STMN1: variants seen among roughly 807,000 people sequenced by gnomAD.
STMN1 encodes the protein stathmin.
STMN1 carries 3 observed loss-of-function variants against 19.7 expected under a neutral mutation model. The observed-to-expected ratio is 0.15, with a 90% CI of 0.07 to 0.39. The LOEUF is 0.39. STMN1 is among the 10% of genes least tolerant of loss of function. The probability of loss-of-function intolerance (pLI) is 1.00; values close to 1 mark genes in which losing one functional copy is unlikely to be tolerated. For missense variants in STMN1, 99 were observed against 176.0 expected, an observed-to-expected ratio of 0.56 and a Z score of 2.48; for synonymous variants, 59 against 58.9, an observed-to-expected ratio of 1.00 and a Z score of -0.01.
rs574231303 is a variant in STMN1 at position 25,894,551 on chromosome 1, G to A, written c.378+6940C>T. Among the ~76,000 whole-genome samples the A allele has an allele frequency of 1.4e-3, 218 of 152,180 alleles. 1 individual carries two copies. Among genetic ancestry groups the A allele is most frequent in the African/African-American group, 4.9e-3 (202 of 41,504 alleles). On this transcript the variant is annotated intron_variant, in intron 4 of 4. Coordinates refer to the STMN1 transcript ENST00000426559. ...GAAAATTAGCCGGCCATTGTGGCAT[G>A]CACCTATAGTCCAAGCTACTCTGGA...
downstream of STMN1, among the ~76,000 whole-genome samples, chr1:25,898,575 C>G (rs1268849758): frequency 2.0e-5 from 3 of 152,208 alleles, no homozygotes; most frequent in Non-Finnish European, 4.4e-5. Context: ...ATTTAAGGGC[C>G]TCCTTCACGT....
At position 25,900,694 on chromosome 1, in the gene STMN1, C is replaced by G. The variant is rs996090124; in HGVS notation, c.*322G>C. On this transcript the variant is annotated 3_prime_UTR_variant, in exon 5 of 5. Coordinates refer to ENST00000455785, the MANE Select transcript of STMN1 (RefSeq NM_005563.4). ...AGTTCAAAAGAAGCCACTACATACT[C>G]TTTTCACAAATATGTTTTCACAGAG... is the stretch of plus-strand genomic sequence containing the variant. The G allele has an allele frequency of 1.9e-6, 2 of 1,076,804 alleles. No homozygotes were observed. The highest frequency in any genetic ancestry group is 1.7e-5 in the African/African-American group (1 of 60,078). 66.7% of individuals were successfully genotyped at this position (1,076,804 alleles called of 1,614,324 possible).
chr1:25,904,505 C>G (rs2048914814), intron 2 of STMN1, among the ~76,000 whole-genome samples, 159 bp downstream of exon 2: 1 of 152,182 alleles, frequency 6.6e-6, no homozygotes, highest in Non-Finnish European at 1.5e-5. Flanking sequence ...GCTCTCGGCA[C>G]ATTCAAGTGA....
Position 25,904,699 on chromosome 1 carries a change from G to A in STMN1, c.-23C>T. On this transcript the variant is annotated 5_prime_UTR_variant, in exon 2 of 5. Transcript: ENST00000455785. ...CATGGTGAATAGAAGACAAGCGACA[G>A]GCAGTGTATTCTGCACAATCAACTG... The A allele has an allele frequency of 6.2e-7, 1 of 1,613,394 alleles. No homozygotes were observed. The highest frequency in any genetic ancestry group is 8.5e-7 in the Non-Finnish European group (1 of 1,179,806).
chr1:25,900,462 TTGGG>T lies in STMN1; in HGVS notation c.*550_*553del. On this transcript the variant is annotated 3_prime_UTR_variant, in exon 5 of 5. Transcript: ENST00000455785. ...CAGAGAACGTGCGGTCATTTGTGCG[TTGGG>T]TATTTCTACCAGCCCCAAAGGCCCC... is the stretch of plus-strand genomic sequence containing the variant. The T allele has an allele frequency of 1.0e-6, 1 of 985,874 alleles. No homozygotes were observed. The highest frequency in any genetic ancestry group is 4.7e-5 in the South Asian group (1 of 21,288). 61.1% of individuals were successfully genotyped at this position (985,874 alleles called of 1,614,324 possible).
chr1:25,900,044 G>A (rs1010405163), downstream of STMN1: 3 of 974,252 alleles, frequency 3.1e-6, no homozygotes, highest in African/African-American at 1.8e-5. Context: ...TGACGTATCT[G>A]CCAACCTTAA....
At chr1:25,890,526 G>C (rs1415870215) in intron 4 of STMN1, among the ~76,000 whole-genome samples, 1 of 152,220 alleles carries the variant, frequency 6.6e-6, no homozygotes, top group Non-Finnish European at 1.5e-5. Context: ...ATCTGCACAT[G>C]AAGTTCCCTG....
downstream of STMN1, among the ~76,000 whole-genome samples, chr1:25,898,755 G>C (rs1268451642): frequency 6.6e-6 from 1 of 152,190 alleles, no homozygotes; most frequent in African/African-American, 2.4e-5. Context: ...CCAATCTATT[G>C]GAAGTACTGC....
chr1:25,895,617 G>A (rs2048812960), downstream of STMN1, among the ~76,000 whole-genome samples: 1 of 152,230 alleles, frequency 6.6e-6, no homozygotes, highest in Non-Finnish European at 1.5e-5. Context: ...GCTGACGGCC[G>A]CTGGGTGGGA....
At chr1:25,903,496 T>G (rs2048899263) in intron 3 of STMN1, 145 bp downstream of exon 3, 1 of 1,095,226 alleles carries the variant, frequency 9.1e-7, no homozygotes, top group Admixed American at 2.4e-5. Context: ...GTTCAATAAA[T>G]GAGGACTGGT....
downstream of STMN1, among the ~76,000 whole-genome samples, chr1:25,897,854 T>A (rs1435616203): frequency 6.6e-6 from 1 of 152,218 alleles, no homozygotes; most frequent in African/African-American, 2.4e-5. Flanking sequence ...CAGTAAATAG[T>A]AGCACTGCCA....
chr1:25,892,673 A>C, intron 4 of STMN1: 2 of 884,948 alleles, frequency 2.3e-6, no homozygotes, highest in Non-Finnish European at 2.7e-6. Flanking sequence ...TCTAAACCAA[A>C]CGCCCCCGGG....
chr1:25,905,408 A>G (rs1371300081), intron 1 of STMN1: 1 of 152,274 alleles, frequency 6.6e-6, no homozygotes, highest in Non-Finnish European at 1.5e-5. Flanking sequence ...CCCAAAAGCT[A>G]GGAATTAAAA....
intron 4 of STMN1, among the ~76,000 whole-genome samples, chr1:25,886,603 G>GT (rs2048723404): frequency 1.1e-5 from 1 of 92,486 alleles, no homozygotes; most frequent in South Asian, 3.4e-4. Flanking sequence ...TTTTTTTTTG[G>GT]TGGGGGATGG....
At chr1:25,885,838 T>C in exon 5 of STMN1, 1 of 1,551,166 alleles carries the variant, frequency 6.4e-7, no homozygotes, top group South Asian at 1.2e-5. Flanking sequence ...CTGTGCTGGG[T>C]GGGCCCCAGG....
At chr1:25,885,775 A>G (rs1457911511) in exon 5 of STMN1, 5 of 1,551,638 alleles carry the variant, frequency 3.2e-6, no homozygotes, top group East Asian at 2.4e-5. Flanking sequence ...TTGGAGGCCC[A>G]GGGCTGGGCA....
In STMN1 at chr1:25,900,833, C is replaced by T; in HGVS notation, c.*183G>A. 1 of 1,391,532 alleles carries T rather than the reference C, an allele frequency of 7.2e-7. No individual in the cohort carries two copies. The allele number at this position is 1,391,532 out of a possible 1,614,324, so 86.2% of individuals were successfully genotyped here. Reference sequence around the variant, plus strand: ...AACACTTTAGAAAAAGAGTAAAACACTTTCAGTTTCTCCCCTTTAGCCCCT... The same window carrying T: ...AACACTTTAGAAAAAGAGTAAAACATTTTCAGTTTCTCCCCTTTAGCCCCT... On this transcript the variant is annotated 3_prime_UTR_variant, in exon 5 of 5. Transcript: ENST00000455785.
chr1:25,903,633 T>C lies in STMN1; in HGVS notation c.186+8A>G. The C allele has an allele frequency of 6.2e-7, 1 of 1,610,766 alleles. No homozygotes were observed. The highest frequency in any genetic ancestry group is 8.5e-7 in the Non-Finnish European group (1 of 1,179,638). On this transcript the variant is annotated splice_region_variant and intron_variant, in intron 3 of 4. Coordinates refer to ENST00000455785, the MANE Select transcript of STMN1 (RefSeq NM_005563.4). ...AATATCCTGCTTTCTGTGAATTGCT[T>C]CGTTTACCTTGCGTCTTTCTTCTGC...
chr1:25,893,408 T>C lies in STMN1; in HGVS notation c.379-7539A>G, dbSNP rs374721351. 9.2e-5 allele frequency among the ~76,000 whole-genome samples: 14 copies of C among 152,212 alleles called. 1 individual carries two copies. Among genetic ancestry groups the C allele is most frequent in the East Asian group, 3.9e-4 (2 of 5,182 alleles). ...GAGCACAAGGTTCCTGTACCACGAC[T>C]CCCTCCAGCAGGCATTTCTGGACAC... On this transcript the variant is annotated intron_variant, in intron 4 of 4. Transcript: ENST00000426559.
Sources: gnomAD v4.1 joint callset for allele counts (sites outside exome capture counted in the v4.1 genomes callset) on GRCh38, gnomAD v4.1.1 for gene constraint, MANE v1.5 for transcripts, NCBI Gene and HGNC (gene_info 2026-07-23, HGNC 2026-07-21) for gene names.